SCRIB: variants seen among roughly 807,000 people sequenced by gnomAD.
SCRIB encodes protein scribble homolog.
Under a neutral mutation model 170.0 loss-of-function variants are expected in SCRIB, and 72 were observed. That is an observed-to-expected ratio of 0.42 (90% CI 0.35 to 0.52). The LOEUF is 0.52. SCRIB is among the 20% of genes least tolerant of loss of function. The pLI is 0.02. For synonymous variants in SCRIB, 1,298 were observed against 1,044.3 expected, an observed-to-expected ratio of 1.24 and a Z score of -4.68; for missense variants, 2,475 against 2,338.5, an observed-to-expected ratio of 1.06 and a Z score of -1.20.
In SCRIB at chr8:143,808,252, G is replaced by A. The variant is rs576589723; in HGVS notation, c.2115+357C>T. ...TCTGTGAACTCCGTGCCCGCCAGCAGGTCGGGCAAATACTGGCCAGCAGAG... is the reference window on the plus strand; with the variant it reads ...TCTGTGAACTCCGTGCCCGCCAGCAAGTCGGGCAAATACTGGCCAGCAGAG... On this transcript the variant is annotated intron_variant, in intron 15 of 36. Transcript: ENST00000356994. Among the ~76,000 whole-genome samples the A allele has an allele frequency of 5.9e-5, 9 of 152,304 alleles. No individual in the cohort carries two copies. In the South Asian group the frequency reaches 1.9e-3, roughly 32 times the overall value.
rs569028234 is a variant in SCRIB, at chr8:143,792,424, G to A, written c.4329-19C>T. The A allele has an allele frequency of 2.4e-5, 36 of 1,507,242 alleles. No individual in the cohort carries two copies. In the Admixed American group the frequency reaches 2.6e-4, roughly 11 times the overall value. 93.4% of individuals were successfully genotyped at this position (1,507,242 alleles called of 1,614,324 possible). On this transcript the variant is annotated intron_variant, in intron 31 of 36. Transcript: ENST00000356994. ...GCTCTGCCTGGGGAAGGGACAGGACGTGCTGTGGGGGGCAGGGGCACGTGG... is the reference window on the plus strand; with the variant it reads ...GCTCTGCCTGGGGAAGGGACAGGACATGCTGTGGGGGGCAGGGGCACGTGG...
chr8:143,806,690 A>G (rs1815440505), intron 17 of SCRIB, among the ~76,000 whole-genome samples: 1 of 152,312 alleles, frequency 6.6e-6, no homozygotes, highest in South Asian at 2.1e-4. Context: ...TCGTGGCCCC[A>G]GGCCTGGTGC....
rs1554635519 is a variant in SCRIB at position 143,803,684 on chromosome 8, G to A, written c.3377C>T (p.Pro1126Leu). The A allele has an allele frequency of 1.3e-6, 2 of 1,578,960 alleles. No homozygotes were observed. Among genetic ancestry groups the A allele is most frequent in the African/African-American group, 1.3e-5 (1 of 74,248 alleles). ...GATGCCCTCGTCTGTGGGGTCGCGG[G>A]GGTTGCCAGCGTGGCCCCTGGCACC... Reference protein sequence around the residue: ...RGGARGHAGNPRDPTDEGIFI... With the variant: ...RGGARGHAGNLRDPTDEGIFI... Residue 1126 changes from proline to leucine, a missense_variant, in exon 23 of 37, where the codon CCC (proline) becomes CTC (leucine). Pro to Leu is a moderately conservative substitution (Grantham distance 98). Around this residue, in one of 3 missense-constraint regions of SCRIB, gnomAD observed 1,966 missense variants for 1,742.9 expected, o/e 1.13. Transcript: ENST00000356994.
Position 143,792,400 on chromosome 8 carries a change from C to A in SCRIB, c.4334G>T (p.Ser1445Ile). The A allele has an allele frequency of 6.7e-7, 1 of 1,502,692 alleles. No homozygotes were observed. Among genetic ancestry groups the A allele is most frequent in the Non-Finnish European group, 8.8e-7 (1 of 1,130,004 alleles). 93.1% of individuals were successfully genotyped at this position (1,502,692 alleles called of 1,614,324 possible). A position where few individuals can be genotyped will look rare whatever the true frequency, so the allele number is the denominator to read the frequency against. ...TCCCAGGGGTGGGGGGGACGCCGGGCTCTGCCTGGGGAAGGGACAGGACGT... is the reference window on the plus strand; with the variant it reads ...TCCCAGGGGTGGGGGGGACGCCGGGATCTGCCTGGGGAAGGGACAGGACGT... ...WASPSPTSRQSPASPPPLGGG... is the reference protein window; with the variant it reads ...WASPSPTSRQIPASPPPLGGG... The change falls in exon 32 of 37, where the codon AGC becomes ATC. Residue 1445 changes from serine to isoleucine, a missense_variant. Physicochemically the swap from Ser to Ile is moderately radical, Grantham distance 142. Transcript: ENST00000356994.
Position 143,794,459 on chromosome 8 carries a change from G to A in SCRIB, c.3847-497C>T, listed in dbSNP as rs142045527. Among the ~76,000 whole-genome samples the A allele has an allele frequency of 7.2e-5, 11 of 152,292 alleles. No homozygotes were observed. In the East Asian group the frequency reaches 9.7e-4, roughly 13 times the overall value. On this transcript the variant is annotated intron_variant, in intron 27 of 36. Coordinates refer to ENST00000356994, the MANE Select transcript of SCRIB (RefSeq NM_182706.5). ...TCAGTACCCAAGAGCCCCCGAATGC[G>A]CTGCCTCAGATCCAGGCCCTGCCTG...
rs1815651729 is a variant in SCRIB, at chr8:143,810,392, G to A, written c.1530+87C>T. 9 of 1,536,006 alleles carry A rather than the reference G, an allele frequency of 5.9e-6. No individual in the cohort carries two copies. The Middle Eastern group carries it at 1.2e-3, about 197-fold the overall frequency. On this transcript the variant is annotated intron_variant, in intron 13 of 36. Coordinates refer to ENST00000356994, the MANE Select transcript of SCRIB (RefSeq NM_182706.5). The stretch of plus-strand genomic sequence containing the variant: ...CCTGCTCCTTCTCTGTGCTGCCCTG[G>A]CCCTCACAGCCCCACTCCCAGGATG...
At chr8:143,791,585 G>A in intron 35 of SCRIB, 81 bp downstream of exon 35, 5 of 1,510,002 alleles carry the variant, frequency 3.3e-6, no homozygotes, top group Non-Finnish European at 4.6e-6. Flanking sequence ...GCAGAGCGTG[G>A]GGAGGCCCTG....
rs146160081 is a variant in SCRIB at position 143,804,110 on chromosome 8, A to G, written c.3056T>C (p.Val1019Ala). 9.3e-6 allele frequency: 15 copies of G among 1,612,824 alleles called. No homozygotes were observed. ...RAGGPLGLSI[V>A]GGSDHSSHPF... ...GTGGCTGGAATGGTCGGAGCCTCCG[A>G]CAATACTAAGCCCCAGAGGGCCCCC... Residue 1019 changes from valine to alanine, a missense_variant, in exon 22 of 37, where the codon GTC becomes GCC. Val to Ala is a moderately conservative substitution (Grantham distance 64). Coordinates refer to ENST00000356994, the MANE Select transcript of SCRIB (RefSeq NM_182706.5).
In SCRIB at chr8:143,791,253, G is replaced by A. The variant is rs150660931; in HGVS notation, c.4878C>T (p.Pro1626=). Reference sequence around the variant, plus strand: ...CCACATCTTCAGGGCCCACAGCGCCGGGTGAGGGCCTGCCCAGAAGCACCA... The same window carrying A: ...CCACATCTTCAGGGCCCACAGCGCCAGGTGAGGGCCTGCCCAGAAGCACCA... The part of the protein sequence containing the change: ...VALVLLGRPS[P]GAVGPEDVAL... Residue 1626 remains proline, a synonymous_variant, in exon 37 of 37, where the codon CCC becomes CCT. Coordinates refer to ENST00000356994, the MANE Select transcript of SCRIB (RefSeq NM_182706.5). 3.8e-4 allele frequency: 571 copies of A among 1,507,844 alleles called. No homozygotes were observed. The African/African-American group carries it at 6.3e-3, about 17-fold the overall frequency. The allele number at this position is 1,507,844 out of a possible 1,614,324, so 93.4% of individuals were successfully genotyped here. A position where few individuals can be genotyped will look rare whatever the true frequency, so the allele number is the denominator to read the frequency against.
chr8:143,812,381 T>C lies in SCRIB; in HGVS notation c.791A>G (p.Gln264Arg), dbSNP rs748043722. The C allele has an allele frequency of 9.9e-6, 16 of 1,610,286 alleles. No homozygotes were observed. Among genetic ancestry groups the C allele is most frequent in the South Asian group, 3.3e-5 (3 of 91,012 alleles). ...LLRRLPDGIG[Q>R]LKQLSILKVD... ...CTTTAGGATGGATAGCTGCTTCAGC[T>C]GACCTGGCGTCGGGGAGACAGGGGG... The change falls in exon 9 of 37, where the codon CAG becomes CGG. Residue 264 changes from glutamine to arginine, a missense_variant. By Grantham distance (43) the Gln-to-Arg change is conservative (BLOSUM62 1). Transcript: ENST00000356994.
At chr8:143,791,556 G>A (rs558561221) in intron 35 of SCRIB, 110 bp downstream of exon 35, 13 of 1,559,354 alleles carry the variant, frequency 8.3e-6, no homozygotes, top group South Asian at 6.7e-5. Flanking sequence ...GGGAGGGGGG[G>A]TGAAGAGGCA....
rs1554636608 is a variant in SCRIB at position 143,806,468 on chromosome 8, C to T, written c.2285G>A (p.Arg762Gln). 10 of 1,599,950 alleles carry T rather than the reference C, an allele frequency of 6.3e-6. No individual in the cohort carries two copies. The highest frequency in any genetic ancestry group is 8.5e-6 in the Non-Finnish European group (10 of 1,173,070). The change falls in exon 18 of 37, where the codon CGG becomes CAG. Residue 762 changes from arginine (R) to glutamine (Q), a missense_variant. By Grantham distance (43) the Arg-to-Gln change is conservative (BLOSUM62 1). Transcript: ENST00000356994. ...KGDDEGIFIS[R>Q]VSEEGPAARA... is the part of the protein sequence containing the mutation. ...GGCCGCAGGGCCTTCCTCGGACACCCGAGAGATGAATATGCCCTAGGGCAC... is the reference window on the plus strand; with the variant it reads ...GGCCGCAGGGCCTTCCTCGGACACCTGAGAGATGAATATGCCCTAGGGCAC...
rs149685351 is a variant in SCRIB at position 143,795,488 on chromosome 8, C to T, written c.3646G>A (p.Gly1216Ser). ...ATGCTCTCCAGGCTGTTCCGGTGGC[C>T]GATGCCTGCCGCAAAGGGGTTGGCA... ...VIANPFAAGI[G>S]HRNSLESISS... The change falls in exon 25 of 37, where the codon GGC becomes AGC. Residue 1216 changes from glycine to serine, a missense_variant. Physicochemically the swap from Gly to Ser is moderately conservative, Grantham distance 56 (BLOSUM62 0). This residue lies in a region of SCRIB where 1,966 missense variants were observed against 1,742.9 expected (regional missense o/e 1.13). Coordinates refer to ENST00000356994, the MANE Select transcript of SCRIB (RefSeq NM_182706.5). 225 of 1,613,066 alleles carry T rather than the reference C, an allele frequency of 1.4e-4. 1 individual carries two copies. The African/African-American group carries it at 2.0e-3, about 14-fold the overall frequency.
chr8:143,794,900 G>T, intron 27 of SCRIB, 138 bp downstream of exon 27: 1 of 727,540 alleles, frequency 1.4e-6, no homozygotes, highest in Non-Finnish European at 2.3e-6. Flanking sequence ...GGGGTAGCCT[G>T]CAGGTCAGAC....
rs114102220 is a variant in SCRIB at position 143,810,533 on chromosome 8, C to A, written c.1476G>T (p.Arg492=). The A allele has an allele frequency of 4.5e-3, 7,251 of 1,613,184 alleles. 287 individuals carry two copies. The African/African-American group carries it at 0.086, about 19-fold the overall frequency. ...CTGGCTGGCAAGGGCAGGCCTCGCT[C>A]CGCCGCCCCTCGATGCTCCTCTTCA... ...KVMKRSIEGR[R]SEACPCQPDS... is the part of the protein sequence containing the mutation. Residue 492 remains arginine, a synonymous_variant, in exon 13 of 37, where the codon CGG becomes CGT. Transcript: ENST00000356994.
intron 13 of SCRIB, 62 bp from the exon 14 acceptor site, chr8:143,809,780 G>C: frequency 1.1e-5 from 18 of 1,569,602 alleles, no homozygotes; most frequent in Non-Finnish European, 1.5e-5. Flanking sequence ...GGCCACCTGG[G>C]ATGCCCCCCA....
chr8:143,797,591 G>A (rs534157198), intron 24 of SCRIB, among the ~76,000 whole-genome samples: 1 of 152,254 alleles, frequency 6.6e-6, no homozygotes. Flanking sequence ...CCACGGTTCA[G>A]AGCATCACCA....
At chr8:143,791,955 C>T (rs1554632822) in intron 33 of SCRIB, 36 bp downstream of exon 33, 1 of 1,494,520 alleles carries the variant, frequency 6.7e-7, no homozygotes. Context: ...GCCCATGCGG[C>T]AGGCTGACCC....
Position 143,815,765 on chromosome 8 carries a change from G to T in SCRIB, c.-393C>A. On this transcript the variant is annotated 5_prime_UTR_variant, in exon 1 of 37. Transcript: ENST00000356994. ...CGGCCGCCGCGCAGCCCGTCGGGAA[G>T]CCGAGTCCGGCCCTCGCCGCCTAGC... 1.0e-6 allele frequency: 1 copy of T among 984,390 alleles called. No individual in the cohort carries two copies. Among genetic ancestry groups the T allele is most frequent in the Middle Eastern group, 5.2e-4 (1 of 1,912 alleles). The allele number at this position is 984,390 out of a possible 1,614,324, so 61.0% of individuals were successfully genotyped here. A position where few individuals can be genotyped will look rare whatever the true frequency, so the allele number is the denominator to read the frequency against.
Sources: allele counts gnomAD v4.1 joint callset (sites outside exome capture counted in the v4.1 genomes callset), GRCh38; gene constraint gnomAD v4.1.1; regional missense constraint gnomAD v4.1.1; transcripts MANE v1.5; gene names NCBI Gene and HGNC (gene_info 2026-07-23, HGNC 2026-07-21).